The following RIN3 variants were observed in gnomAD, a reference collection of about 807,000 sequenced individuals.
RIN3 encodes RAB5 interacting protein 3.
Under a neutral mutation model 76.3 loss-of-function variants are expected in RIN3, and 54 were observed. The ratio of observed to expected loss-of-function variants is 0.71; its 90% CI spans 0.57 to 0.89. The LOEUF (loss-of-function observed/expected upper bound fraction) is 0.89. Ranked by LOEUF, RIN3 falls within the 40% of genes least tolerant of loss-of-function variation. The pLI, the probability that RIN3 is intolerant of heterozygous loss-of-function variation, is 0.00. For synonymous variants in RIN3, 576 were observed against 564.0 expected (o/e 1.02, Z -0.30); for missense variants, 1,256 against 1,322.1 (o/e 0.95, Z 0.78).
intron 3 of RIN3, among the ~76,000 whole-genome samples, chr14:92,585,131 G>A (rs1232800313): frequency 6.6e-6 from 1 of 152,130 alleles, no homozygotes; most frequent in Non-Finnish European, 1.5e-5. Context: ...TCCTGCCTTA[G>A]CCGCCCAAGT....
intron 1 of RIN3, among the ~76,000 whole-genome samples, chr14:92,534,761 C>T (rs536588440): frequency 3.3e-5 from 5 of 152,182 alleles, no homozygotes; most frequent in East Asian, 1.9e-4. Flanking sequence ...ACACCTTCCA[C>T]TATCTTGTAT....
intron 3 of RIN3, among the ~76,000 whole-genome samples, chr14:92,612,655 G>A (rs1016972821): frequency 6.6e-6 from 1 of 152,348 alleles, no homozygotes; most frequent in Non-Finnish European, 1.5e-5. Context: ...TGTTGCCTTC[G>A]TGTGAAGAGA....
In RIN3 at chr14:92,688,349, A is replaced by G. The variant is rs918267953; in HGVS notation, c.*97A>G. The stretch of plus-strand genomic sequence containing the variant: ...CGCGACGTCCACGCAGCAGAGGGAC[A>G]TGGGCCATTCCATGACGTGCCCAGG... On this transcript the variant is annotated 3_prime_UTR_variant, in exon 10 of 10. Transcript: ENST00000216487. The G allele has an allele frequency of 3.7e-5, 44 of 1,205,416 alleles. No homozygotes were observed. The highest frequency in any genetic ancestry group is 4.6e-5 in the Non-Finnish European group (41 of 889,440). 74.7% of individuals were successfully genotyped at this position (1,205,416 alleles called of 1,614,324 possible).
At chr14:92,546,867 G>A in intron 1 of RIN3, among the ~76,000 whole-genome samples, 1 of 151,666 alleles carries the variant, frequency 6.6e-6, no homozygotes, top group Non-Finnish European at 1.5e-5. Context: ...GAGAGATAGG[G>A]CATGACCACA....
chr14:92,619,552 G>T (rs961647774), intron 4 of RIN3, among the ~76,000 whole-genome samples: 24 of 144,966 alleles, frequency 1.7e-4, no homozygotes, highest in African/African-American at 5.9e-4. Flanking sequence ...CCATTCTCCT[G>T]CCTCAGCCTC....
intron 4 of RIN3, among the ~76,000 whole-genome samples, chr14:92,635,727 C>A (rs1474241806): frequency 5.9e-5 from 9 of 152,226 alleles, no homozygotes; most frequent in East Asian, 5.8e-4. Context: ...GTGGTGCACA[C>A]CTGTAGTCCC....
At chr14:92,613,629 C>T (rs1885832266) in intron 3 of RIN3, among the ~76,000 whole-genome samples, 1 of 152,152 alleles carries the variant, frequency 6.6e-6, no homozygotes, top group South Asian at 2.1e-4. Flanking sequence ...GAAAACAGGT[C>T]CGCAAACTGA....
At position 92,685,121 on chromosome 14, in the gene RIN3, A is replaced by G. The variant is rs1888804674; in HGVS notation, c.2602A>G (p.Lys868Glu). The G allele has an allele frequency of 3.1e-6, 5 of 1,613,082 alleles. No homozygotes were observed. Among genetic ancestry groups the G allele is most frequent in the Non-Finnish European group, 4.2e-6 (5 of 1,179,638 alleles). The change falls in exon 9 of 10, where the codon AAG (lysine) becomes GAG (glutamate). Residue 868 changes from lysine to glutamate, a missense_variant. Lys to Glu is a moderately conservative substitution (Grantham distance 56, BLOSUM62 1). Coordinates refer to ENST00000216487, the MANE Select transcript of RIN3 (RefSeq NM_024832.5). The surrounding 1 kb of genome is among the most constrained non-coding windows in gnomAD (Gnocchi z 4.7). ...HRWERRRTLNKARASRSSVQD... is the reference protein window; with the variant it reads ...HRWERRRTLNEARASRSSVQD... ...CTGGGAGCGCCGGCGTACTCTCAACAAGGCCCGGGCCTCCCGCTCCTCCGT... is the reference window on the plus strand; with the variant it reads ...CTGGGAGCGCCGGCGTACTCTCAACGAGGCCCGGGCCTCCCGCTCCTCCGT...
At chr14:92,559,162 C>T (rs529713678) in intron 2 of RIN3, among the ~76,000 whole-genome samples, 65 of 152,272 alleles carry the variant, frequency 4.3e-4, no homozygotes, top group South Asian at 1.9e-3. Context: ...CCACCGTGCC[C>T]GGCCCCCTTC....
In RIN3 at chr14:92,530,235, A is replaced by T. The variant is rs534068526; in HGVS notation, c.44+16259A>T. Among the ~76,000 whole-genome samples, 26 of 152,332 alleles carry T rather than the reference A, an allele frequency of 1.7e-4. No homozygotes were observed. The South Asian group carries it at 5.4e-3, about 32-fold the overall frequency. ...CTATGGTGTTTCCTGAAAATGCACAAATCCTTGGGATATGCACTATCCCTC... is the reference window on the plus strand; with the variant it reads ...CTATGGTGTTTCCTGAAAATGCACATATCCTTGGGATATGCACTATCCCTC... On this transcript the variant is annotated intron_variant, in intron 1 of 9. Transcript: ENST00000216487.
At chr14:92,545,553 CCTCT>C (rs59036044) in intron 1 of RIN3, among the ~76,000 whole-genome samples, 31,104 of 148,552 alleles carry the variant, frequency 0.21, 3,559 homozygotes, top group East Asian at 0.43. Flanking sequence ...TTTCTTTCTC[CCTCT>C]CTATTTTTTT....
At chr14:92,617,747 A>G (rs1025977497) in intron 4 of RIN3, among the ~76,000 whole-genome samples, 1 of 152,230 alleles carries the variant, frequency 6.6e-6, no homozygotes, top group Non-Finnish European at 1.5e-5. Flanking sequence ...CTGAATTTCT[A>G]TAATCTTCAT....
At position 92,588,753 on chromosome 14, in the gene RIN3, T is replaced by G. The variant is rs577107394; in HGVS notation, c.367+11276T>G. ...ACCTTTCTTTCAGGTTGTGTCTGCC[T>G]CCCTCTCCCACCCTCCCTGAAAACC... is the stretch of plus-strand genomic sequence containing the variant. On this transcript the variant is annotated intron_variant, in intron 3 of 9. Transcript: ENST00000216487. Among the ~76,000 whole-genome samples the G allele has an allele frequency of 2.4e-3, 372 of 152,236 alleles. 2 individuals are homozygous for G. The highest frequency in any genetic ancestry group is 3.9e-3 in the Non-Finnish European group (262 of 68,014).
In RIN3 at chr14:92,588,176, C is replaced by T. The variant is rs984612832; in HGVS notation, c.367+10699C>T. Among the ~76,000 whole-genome samples the T allele has an allele frequency of 9.5e-5, 14 of 147,268 alleles. No homozygotes were observed. In the East Asian group the frequency reaches 1.8e-3, roughly 19 times the overall value. On this transcript the variant is annotated intron_variant, in intron 3 of 9. Transcript: ENST00000216487. ...TCATGTTGGCCATTAAGTTTCAACA[C>T]GTGAATTTCGGAGGGGACCCATTCA...
Position 92,643,198 on chromosome 14 carries a change from C to T in RIN3, c.532+1869C>T, listed in dbSNP as rs189966736. ...CCTCCCGAGTAGCTGGGACTACAGG[C>T]GCATGCCACCACACCTGGCTAATTT... On this transcript the variant is annotated intron_variant, in intron 5 of 9. Transcript: ENST00000216487. This position sits in a 1 kb window ranked among gnomAD's most constrained non-coding sequence, Gnocchi z 4.8. 7.7e-4 allele frequency among the ~76,000 whole-genome samples: 117 copies of T among 152,188 alleles called. No individual in the cohort carries two copies. Among genetic ancestry groups the T allele is most frequent in the Non-Finnish European group, 1.2e-3 (85 of 68,014 alleles).
intron 7 of RIN3, among the ~76,000 whole-genome samples, chr14:92,659,788 G>C (rs1257001088): frequency 6.6e-6 from 1 of 152,220 alleles, no homozygotes; most frequent in Non-Finnish European, 1.5e-5. Context: ...AAGCTGAGTG[G>C]CTTAGCCAGC....
At chr14:92,560,500 A>G (rs1015215440) in intron 2 of RIN3, among the ~76,000 whole-genome samples, 2 of 152,162 alleles carry the variant, frequency 1.3e-5, no homozygotes, top group East Asian at 1.9e-4. Flanking sequence ...TGCTATATGC[A>G]TGATCTTACT....
At chr14:92,561,969 A>G (rs942214610) in intron 2 of RIN3, among the ~76,000 whole-genome samples, 1 of 152,180 alleles carries the variant, frequency 6.6e-6, no homozygotes, top group African/African-American at 2.4e-5. Context: ...TACAGGCGTG[A>G]GCCACCATGC....
intron 7 of RIN3, among the ~76,000 whole-genome samples, chr14:92,676,160 T>C (rs1888452790): frequency 6.6e-6 from 1 of 151,528 alleles, no homozygotes; most frequent in Admixed American, 6.6e-5. Flanking sequence ...TGATGTGAAT[T>C]TGTCTGTCAA....
Sources: gnomAD v4.1 joint callset for allele counts (sites outside exome capture counted in the v4.1 genomes callset) on GRCh38, gnomAD v4.1.1 for gene constraint, Gnocchi (gnomAD v3.1) non-coding constraint, MANE v1.5 for transcripts, NCBI Gene and HGNC (gene_info 2026-07-23, HGNC 2026-07-21) for gene names.